The following VPS13B variants were observed in gnomAD, a reference collection of about 807,000 sequenced individuals.
VPS13B encodes intermembrane lipid transfer protein VPS13B.
Under a neutral mutation model 426.4 loss-of-function variants are expected in VPS13B, and 285 were observed. That is an observed-to-expected ratio of 0.67 (90% CI 0.61 to 0.74). The LOEUF (loss-of-function observed/expected upper bound fraction) is 0.74. Ranked by LOEUF, VPS13B falls within the 30% of genes least tolerant of loss-of-function variation. The pLI is 0.00. For missense variants in VPS13B, 4,537 were observed against 4,782.6 expected (o/e 0.95, Z 1.51); for synonymous variants, 1,676 against 1,676.4 (o/e 1.00, Z 0.01).
In VPS13B at chr8:99,384,307, A is replaced by G. The variant is rs376049764; in HGVS notation, c.2924A>G (p.His975Arg). The G allele has an allele frequency of 1.2e-6, 2 of 1,612,868 alleles. No individual in the cohort carries two copies. The highest frequency in any genetic ancestry group is 1.7e-5 in the Admixed American group (1 of 59,996). Residue 975 changes from histidine to arginine, a missense_variant, in exon 20 of 62, where the codon CAT becomes CGT. Physicochemically the swap from His to Arg is conservative, Grantham distance 29. Coordinates refer to ENST00000357162, the MANE Select transcript of VPS13B (RefSeq NM_152564.5). ...CAGCCTCAGAAACGAACAAGTAGACATATGCAACAGGTAAGAGATTTTTAA... is the reference window on the plus strand; with the variant it reads ...CAGCCTCAGAAACGAACAAGTAGACGTATGCAACAGGTAAGAGATTTTTAA... ...IYQPQKRTSR[H>R]MQQQPVVAVP...
At chr8:99,648,519 T>C (rs1829683834) in intron 34 of VPS13B, among the ~76,000 whole-genome samples, 1 of 152,218 alleles carries the variant, frequency 6.6e-6, no homozygotes, top group African/African-American at 2.4e-5. Context: ...AATTTGCCTT[T>C]TGGCTATATT....
chr8:99,270,331 G>A (rs1227581810), intron 17 of VPS13B, among the ~76,000 whole-genome samples: 1 of 150,830 alleles, frequency 6.6e-6, no homozygotes. Flanking sequence ...TATAGATGTG[G>A]TTTCTCCACA....
chr8:99,866,023 T>A (rs934648161), intron 58 of VPS13B, among the ~76,000 whole-genome samples: 1 of 152,230 alleles, frequency 6.6e-6, no homozygotes, highest in African/African-American at 2.4e-5. Flanking sequence ...TCCTGTGTCC[T>A]GCGGGGTGCA....
At chr8:99,174,066 C>T (rs1447232304) in intron 16 of VPS13B, among the ~76,000 whole-genome samples, 1 of 152,084 alleles carries the variant, frequency 6.6e-6, no homozygotes, top group East Asian at 1.9e-4. Context: ...GGAATCATTC[C>T]ATATTTGTCA....
intron 35 of VPS13B, among the ~76,000 whole-genome samples, chr8:99,671,392 T>C (rs1563855029): frequency 1.3e-5 from 2 of 152,172 alleles, no homozygotes; most frequent in Non-Finnish European, 2.9e-5. Context: ...TAACCTCTTA[T>C]ATAGTTTACA....
intron 19 of VPS13B, among the ~76,000 whole-genome samples, chr8:99,325,433 A>G (rs1306694622): frequency 2.0e-5 from 3 of 152,208 alleles, no homozygotes; most frequent in Admixed American, 1.3e-4. Flanking sequence ...ATCCTTTGCA[A>G]CTGCTCATAT....
At chr8:99,359,188 A>G (rs1005215906) in intron 19 of VPS13B, among the ~76,000 whole-genome samples, 2 of 152,188 alleles carry the variant, frequency 1.3e-5, no homozygotes, top group Non-Finnish European at 2.9e-5. Flanking sequence ...TAACCTTAAA[A>G]CACAATTTTA....
rs1310808091 is a variant in VPS13B at position 99,378,145 on chromosome 8, C to A, written c.2825-6063C>A. Reference sequence around the variant, plus strand: ...GCGGCCATTTTAGAGCCCCCCCCCCCCGGAATGCATTCTTTTCCCAAGGCT... The same window carrying A: ...GCGGCCATTTTAGAGCCCCCCCCCCACGGAATGCATTCTTTTCCCAAGGCT... On this transcript the variant is annotated intron_variant, in intron 19 of 61. Transcript: ENST00000357162. Among the ~76,000 whole-genome samples the A allele has an allele frequency of 2.8e-5, 4 of 141,928 alleles. 1 individual carries two copies. The highest frequency in any genetic ancestry group is 6.1e-5 in the Non-Finnish European group (4 of 65,232). The allele number at this position is 141,928 out of a possible 152,430, so 93.1% of individuals were successfully genotyped here.
chr8:99,021,766 C>G (rs915493799), intron 2 of VPS13B, among the ~76,000 whole-genome samples: 19 of 152,254 alleles, frequency 1.2e-4, no homozygotes, highest in African/African-American at 4.6e-4. Context: ...GCCAGTGCCA[C>G]CATGCCCGAA....
chr8:99,423,263 A>AT lies in VPS13B; in HGVS notation c.3083-8261dup, dbSNP rs770430651. 6.8e-3 allele frequency among the ~76,000 whole-genome samples: 986 copies of AT among 145,134 alleles called. 20 individuals are homozygous for AT. Among genetic ancestry groups the AT allele is most frequent in the Admixed American group, 0.032 (460 of 14,400 alleles). ...TATTTTATAGAAAAAGTATGTGTGA[A>AT]TTTTTTTTTTTTTGAAACAGTCTCA... On this transcript the variant is annotated intron_variant, in intron 21 of 61. Coordinates refer to ENST00000357162, the MANE Select transcript of VPS13B (RefSeq NM_152564.5).
chr8:99,212,766 A>C (rs1815165324), intron 17 of VPS13B, among the ~76,000 whole-genome samples: 1 of 152,182 alleles, frequency 6.6e-6, no homozygotes, highest in Non-Finnish European at 1.5e-5. Flanking sequence ...GCATGAAATC[A>C]AAAGGTCCTT....
intron 39 of VPS13B, 143 bp from the exon 40 acceptor site, chr8:99,766,631 T>C: frequency 7.0e-6 from 5 of 716,528 alleles, no homozygotes; most frequent in Non-Finnish European, 9.0e-6. Context: ...TGAAAAGAAA[T>C]CCTAAACTAC....
intron 59 of VPS13B, 53 bp downstream of exon 59, chr8:99,868,518 C>CT: frequency 6.4e-7 from 1 of 1,559,688 alleles, no homozygotes; most frequent in Non-Finnish European, 8.7e-7. Context: ...GATTTGCATG[C>CT]TTATACCAAG....
chr8:99,352,505 T>C (rs553376127), intron 19 of VPS13B, among the ~76,000 whole-genome samples: 74 of 152,274 alleles, frequency 4.9e-4, no homozygotes, highest in Non-Finnish European at 9.4e-4. Flanking sequence ...AAAATGTATA[T>C]GACCAGGAAA....
chr8:99,641,716 A>T lies in VPS13B; in HGVS notation c.5221-95A>T, dbSNP rs16892264. 2.1e-3 allele frequency: 2,639 copies of T among 1,273,412 alleles called. 56 individuals carry two copies. In the African/African-American group the frequency reaches 0.035, roughly 17 times the overall value. The allele number at this position is 1,273,412 out of a possible 1,614,324, so 78.9% of individuals were successfully genotyped here. On this transcript the variant is annotated intron_variant, in intron 33 of 61. Coordinates refer to ENST00000357162, the MANE Select transcript of VPS13B (RefSeq NM_152564.5). ...TTTAAGTTATACTAGACTCATTTTT[A>T]AAATTTTCTCTTTGACAACATGTTT... is the stretch of plus-strand genomic sequence containing the variant.
chr8:99,087,827 G>C (rs1430526152), intron 3 of VPS13B, among the ~76,000 whole-genome samples: 1 of 151,862 alleles, frequency 6.6e-6, no homozygotes, highest in South Asian at 2.1e-4. Flanking sequence ...TACACATTCA[G>C]CTTTCCTGTG....
intron 16 of VPS13B, among the ~76,000 whole-genome samples, chr8:99,175,694 C>T (rs1045684766): frequency 2.0e-5 from 3 of 152,116 alleles, no homozygotes; most frequent in Non-Finnish European, 4.4e-5. Context: ...GAGATTGAGG[C>T]TGCAGTGAGC....
At chr8:99,554,086 G>T (rs1376574405) in intron 30 of VPS13B, among the ~76,000 whole-genome samples, 1 of 151,904 alleles carries the variant, frequency 6.6e-6, no homozygotes, top group African/African-American at 2.4e-5. Flanking sequence ...GATGAAACTT[G>T]GTGTTTTTGT....
At chr8:99,069,119 A>G (rs1348195127) in intron 3 of VPS13B, among the ~76,000 whole-genome samples, 1 of 152,196 alleles carries the variant, frequency 6.6e-6, no homozygotes, top group Non-Finnish European at 1.5e-5. Flanking sequence ...CATAATACCT[A>G]CATAATTTGA....
Sources: gnomAD v4.1 joint callset for allele counts (sites outside exome capture counted in the v4.1 genomes callset) on GRCh38, gnomAD v4.1.1 for gene constraint, MANE v1.5 for transcripts, NCBI Gene and HGNC (gene_info 2026-07-23, HGNC 2026-07-21) for gene names.